RRP12: variants seen among roughly 807,000 people sequenced by gnomAD.
RRP12 encodes the protein ribosomal RNA processing 12 homolog.
RRP12 carries 78 observed loss-of-function variants against 157.3 expected under a neutral mutation model. The observed-to-expected ratio is 0.50, with a 90% CI of 0.41 to 0.60. The LOEUF is 0.60. RRP12 is among the 20% of genes least tolerant of loss of function. The probability of loss-of-function intolerance (pLI) is 0.00; values close to 1 mark genes in which losing one functional copy is unlikely to be tolerated. For missense variants in RRP12, 1,521 were observed against 1,679.9 expected, an observed-to-expected ratio of 0.91 and a Z score of 1.65; for synonymous variants, 726 against 670.9, an observed-to-expected ratio of 1.08 and a Z score of -1.27.
intron 25 of RRP12, among the ~76,000 whole-genome samples, chr10:97,368,126 G>C (rs942862183): frequency 1.3e-5 from 2 of 151,168 alleles, no homozygotes; most frequent in East Asian, 1.9e-4. Context: ...CGCCTCCCAG[G>C]TTCAAGCAAT....
intron 30 of RRP12, 96 bp downstream of exon 30, chr10:97,363,758 G>C (rs1589411171): frequency 8.9e-7 from 1 of 1,124,662 alleles, no homozygotes; most frequent in South Asian, 1.2e-5. Context: ...TCCAGAAACA[G>C]GGCAGTTCCA....
intron 4 of RRP12, 133 bp downstream of exon 4, chr10:97,393,551 C>T (rs1844869705): frequency 1.3e-6 from 1 of 770,106 alleles, no homozygotes; most frequent in South Asian, 1.5e-5. Flanking sequence ...GCCCATTCTG[C>T]ATGCCTCTAG....
intron 3 of RRP12, among the ~76,000 whole-genome samples, chr10:97,394,272 G>A (rs1382081185): frequency 6.6e-6 from 1 of 152,184 alleles, no homozygotes; most frequent in Non-Finnish European, 1.5e-5. Context: ...GAACCCAGGA[G>A]GCAGAGCTTG....
At chr10:97,358,719 C>T in intron 32 of RRP12, 100 bp from the exon 33 acceptor site, 1 of 982,534 alleles carries the variant, frequency 1.0e-6, no homozygotes, top group Non-Finnish European at 1.6e-6. Context: ...CATCCTCTGC[C>T]TTAGGTGGTG....
Position 97,369,449 on chromosome 10 carries a change from G to C in RRP12, c.2931C>G (p.His977Gln), listed in dbSNP as rs373600839. 1 of 1,612,436 alleles carries C rather than the reference G, an allele frequency of 6.2e-7. No individual in the cohort carries two copies. ...CCACCAGCTGCACATGTTTGGCCAG[G>C]TGCGCCACGTCCATGACAGTCACTG... Reference protein sequence around the residue: ...KVAVTVMDVAHLAKHVQLVME... With the variant: ...KVAVTVMDVAQLAKHVQLVME... The change falls in exon 25 of 34, where the codon CAC (histidine) becomes CAG (glutamine). Residue 977 changes from histidine (H) to glutamine (Q), a missense_variant. By Grantham distance (24) the His-to-Gln change is conservative (BLOSUM62 0). Transcript: ENST00000370992.
At position 97,366,329 on chromosome 10, in the gene RRP12, G is replaced by A; in HGVS notation, c.3392-96C>T. 7.0e-6 allele frequency: 11 copies of A among 1,569,670 alleles called. No individual in the cohort carries two copies. In the South Asian group the frequency reaches 1.3e-4, roughly 18 times the overall value. Reference sequence around the variant, plus strand: ...AAGCCCGGCTCAGGGATCCCAAACGGGCGCCTCTCAGCCCTGTCCATGGGC... The same window carrying A: ...AAGCCCGGCTCAGGGATCCCAAACGAGCGCCTCTCAGCCCTGTCCATGGGC... On this transcript the variant is annotated intron_variant, in intron 28 of 33. Coordinates refer to ENST00000370992, the MANE Select transcript of RRP12 (RefSeq NM_015179.4).
rs373974885 is a variant in RRP12, at chr10:97,369,513, C to T, written c.2867G>A (p.Arg956His). The change falls in exon 25 of 34, where the codon CGT becomes CAT. Residue 956 changes from arginine to histidine, a missense_variant. Coordinates refer to ENST00000370992, the MANE Select transcript of RRP12 (RefSeq NM_015179.4). ...NVCLLLASRT[R>H]DVVKSALGFI... The stretch of plus-strand genomic sequence containing the variant: ...GCCCAGTGCAGACTTGACCACGTCA[C>T]GGGTGCGGGAGGCCAGAAGCAGGCA... 8.6e-5 allele frequency: 138 copies of T among 1,602,950 alleles called. No individual in the cohort carries two copies. Among genetic ancestry groups the T allele is most frequent in the Middle Eastern group, 1.6e-4 (1 of 6,076 alleles).
At chr10:97,387,885 T>C (rs1844679755) in intron 8 of RRP12, 1 of 166,184 alleles carries the variant, frequency 6.0e-6, no homozygotes, top group Non-Finnish European at 1.1e-5. Flanking sequence ...GAGGTTGCAG[T>C]GAGCCAAGAT....
At chr10:97,358,479 C>T (rs1161436609) in intron 33 of RRP12, 58 bp downstream of exon 33, 1 of 1,305,496 alleles carries the variant, frequency 7.7e-7, no homozygotes, top group African/African-American at 1.5e-5. Context: ...TTAGAGCACT[C>T]TGCTCCCTCA....
chr10:97,388,176 T>A, intron 8 of RRP12, 76 bp downstream of exon 8: 1 of 1,596,032 alleles, frequency 6.3e-7, no homozygotes, highest in Non-Finnish European at 8.5e-7. Context: ...AGGCCCTGCA[T>A]TTTGACTGAC....
chr10:97,386,552 T>C (rs769999470), intron 8 of RRP12, among the ~76,000 whole-genome samples: 22 of 152,184 alleles, frequency 1.4e-4, no homozygotes, highest in Non-Finnish European at 3.1e-4. Flanking sequence ...AGAAAGTTAT[T>C]TGCACTGTCT....
At chr10:97,387,925 G>C (rs1197155573) in intron 8 of RRP12, 1 of 168,204 alleles carries the variant, frequency 5.9e-6, no homozygotes, top group African/African-American at 4.7e-5. Flanking sequence ...TGTGCAACAA[G>C]AGCAAAACTC....
intron 11 of RRP12, 27 bp downstream of exon 11, chr10:97,381,688 C>T: frequency 6.3e-7 from 1 of 1,586,300 alleles, no homozygotes; most frequent in Non-Finnish European, 8.7e-7. Context: ...CCTGTGCTCT[C>T]TGCTTCCTCA....
intron 10 of RRP12, among the ~76,000 whole-genome samples, chr10:97,382,691 G>A (rs1844503820): frequency 6.6e-6 from 1 of 151,882 alleles, no homozygotes; most frequent in Non-Finnish European, 1.5e-5. Context: ...GCTATTCTAT[G>A]TCTTGCTTTT....
intron 15 of RRP12, among the ~76,000 whole-genome samples, chr10:97,376,758 TC>T (rs1473835494): frequency 1.3e-5 from 2 of 152,092 alleles, no homozygotes; most frequent in African/African-American, 4.8e-5. Flanking sequence ...TTGCTGAATG[TC>T]CTACAGGCAG....
At chr10:97,400,112 A>C (rs9888026) in intron 2 of RRP12, among the ~76,000 whole-genome samples, 193 bp downstream of exon 2, 57,779 of 152,050 alleles carry the variant, frequency 0.38, 11,461 homozygotes, top group African/African-American at 0.5. Flanking sequence ...TCAAGTACTT[A>C]AGCAGAGGAG....
At chr10:97,395,597 T>A in intron 3 of RRP12, among the ~76,000 whole-genome samples, 1 of 151,240 alleles carries the variant, frequency 6.6e-6, no homozygotes, top group African/African-American at 2.4e-5. Context: ...AGGCCTATAA[T>A]CCCAGCACTT....
At chr10:97,372,498 G>T (rs865916444) in intron 19 of RRP12, among the ~76,000 whole-genome samples, 1 of 152,180 alleles carries the variant, frequency 6.6e-6, no homozygotes, top group Non-Finnish European at 1.5e-5. Flanking sequence ...CATGAGTGAC[G>T]GGGCTGGGAT....
chr10:97,357,247 C>T (rs1843735091), intron 33 of RRP12, 51 bp from the exon 34 acceptor site: 2 of 1,214,980 alleles, frequency 1.6e-6, no homozygotes, highest in African/African-American at 3.0e-5. Context: ...ATAGGAGGCC[C>T]CCTCCTGTTG....
Sources: gnomAD v4.1 joint callset for allele counts (sites outside exome capture counted in the v4.1 genomes callset) on GRCh38, gnomAD v4.1.1 for gene constraint, MANE v1.5 for transcripts, NCBI Gene and HGNC (gene_info 2026-07-23, HGNC 2026-07-21) for gene names.